RSRC1: variants seen among roughly 807,000 people sequenced by gnomAD.
RSRC1 encodes arginine and serine rich coiled-coil 1, also known as serine/Arginine-related protein 53.
In RSRC1, 39 loss-of-function variants were observed where a neutral mutation model predicts 49.1. The observed-to-expected ratio is 0.79, with a 90% CI of 0.61 to 1.04. The LOEUF is 1.04. RSRC1 is among the 50% of genes least tolerant of loss of function. The pLI is 0.00. For missense variants in RSRC1, 388 were observed against 402.4 expected (o/e 0.96, Z 0.31); for synonymous variants, 143 against 130.8 (o/e 1.09, Z -0.63).
chr3:158,444,812 A>G (rs1387863738), intron 6 of RSRC1, among the ~76,000 whole-genome samples: 2 of 152,180 alleles, frequency 1.3e-5, no homozygotes, highest in Non-Finnish European at 2.9e-5. Flanking sequence ...AATTTACAAG[A>G]AAAAAACAAC....
At position 158,111,816 on chromosome 3, in the gene RSRC1, A is replaced by G. The variant is rs1286433270; in HGVS notation, c.-3+1593A>G. Among the ~76,000 whole-genome samples the G allele has an allele frequency of 4.6e-5, 7 of 152,158 alleles. No individual in the cohort carries two copies. In the East Asian group the frequency reaches 1.3e-3, roughly 29 times the overall value. ...TCCTTTGGAAATCTTTGTTCTTCAAACTGATTGCCTGTTTTCTGAAAGAGA... is the reference window on the plus strand; with the variant it reads ...TCCTTTGGAAATCTTTGTTCTTCAAGCTGATTGCCTGTTTTCTGAAAGAGA... On this transcript the variant is annotated intron_variant, in intron 1 of 9. Transcript: ENST00000611884.
chr3:158,206,039 C>T (rs982934967), intron 4 of RSRC1, among the ~76,000 whole-genome samples: 7 of 152,026 alleles, frequency 4.6e-5, no homozygotes, highest in Non-Finnish European at 1.0e-4. Flanking sequence ...ACAGGAAGGC[C>T]GTATTTCAGT....
At chr3:158,275,507 A>G (rs1173058074) in intron 4 of RSRC1, among the ~76,000 whole-genome samples, 2 of 152,198 alleles carry the variant, frequency 1.3e-5, no homozygotes, top group African/African-American at 4.8e-5. Context: ...ACAAATCTAC[A>G]GAGCTAGTTT....
intron 4 of RSRC1, among the ~76,000 whole-genome samples, chr3:158,216,311 TA>T (rs534754529): frequency 3.3e-5 from 5 of 151,348 alleles, no homozygotes; most frequent in African/African-American, 4.8e-5. Flanking sequence ...TCTCTTTTTT[TA>T]AAAAAAATCT....
chr3:158,416,832 A>G (rs1439485359), intron 6 of RSRC1, among the ~76,000 whole-genome samples: 2 of 152,096 alleles, frequency 1.3e-5, no homozygotes, highest in African/African-American at 4.8e-5. Flanking sequence ...TATTGTTAGA[A>G]GTAATTCTCA....
chr3:158,506,073 G>A (rs1034116321), intron 7 of RSRC1, among the ~76,000 whole-genome samples: 4 of 152,128 alleles, frequency 2.6e-5, no homozygotes, highest in African/African-American at 9.7e-5. Flanking sequence ...CAAAAACACA[G>A]ACAACAGAAG....
chr3:158,385,584 T>C (rs1420087818), intron 6 of RSRC1, among the ~76,000 whole-genome samples: 1 of 152,176 alleles, frequency 6.6e-6, no homozygotes, highest in African/African-American at 2.4e-5. Flanking sequence ...CCCTGAGTAA[T>C]AAAGTCCTTT....
chr3:158,478,772 T>C (rs1322079375), intron 7 of RSRC1, among the ~76,000 whole-genome samples: 4 of 152,046 alleles, frequency 2.6e-5, no homozygotes, highest in African/African-American at 7.2e-5. Context: ...ATCAGAAGTC[T>C]GGTCAGTTTC....
At chr3:158,363,726 G>T (rs1731609008) in intron 6 of RSRC1, among the ~76,000 whole-genome samples, 1 of 152,188 alleles carries the variant, frequency 6.6e-6, no homozygotes, top group South Asian at 2.1e-4. Flanking sequence ...TGATTCTGAA[G>T]TAAGTTTTCT....
chr3:158,503,852 T>A (rs1472636152), intron 7 of RSRC1, among the ~76,000 whole-genome samples: 1 of 152,182 alleles, frequency 6.6e-6, no homozygotes, highest in African/African-American at 2.4e-5. Context: ...CTGTGGAGTC[T>A]GCACACGGGA....
At chr3:158,302,678 T>TTTTTTTTTTTTTGATTG (rs1727630418) in intron 5 of RSRC1, 1 of 147,414 alleles carries the variant, frequency 6.8e-6, no homozygotes, top group Non-Finnish European at 1.5e-5. Context: ...TTTTTTTTTT[T>TTTTTTTTTTTTTGATTG]GAGATGGGAG....
intron 5 of RSRC1, among the ~76,000 whole-genome samples, chr3:158,304,186 G>T (rs1310392325): frequency 6.6e-6 from 1 of 152,092 alleles, no homozygotes; most frequent in Non-Finnish European, 1.5e-5. Flanking sequence ...AGTTTGTTTA[G>T]CCCATCAGTG....
At chr3:158,427,224 A>G (rs1205755794) in intron 6 of RSRC1, among the ~76,000 whole-genome samples, 1 of 151,856 alleles carries the variant, frequency 6.6e-6, no homozygotes, top group Non-Finnish European at 1.5e-5. Flanking sequence ...AGACTGAAGT[A>G]TCACCACCTA....
At chr3:158,511,489 A>G (rs1348764922) in intron 7 of RSRC1, among the ~76,000 whole-genome samples, 1 of 152,152 alleles carries the variant, frequency 6.6e-6, no homozygotes, top group Non-Finnish European at 1.5e-5. Context: ...TCCATGGTGT[A>G]TATGTGCCAC....
At chr3:158,518,148 A>ACATTTTTTTTTT (rs1740696915) in intron 7 of RSRC1, among the ~76,000 whole-genome samples, 8 of 44,142 alleles carry the variant, frequency 1.8e-4, no homozygotes, top group African/African-American at 1.2e-3. Context: ...ATATATATAT[A>ACATTTTTTTTTT]TTTTTTTTTT....
intron 4 of RSRC1, among the ~76,000 whole-genome samples, chr3:158,296,273 A>G (rs889452834): frequency 6.6e-6 from 1 of 152,098 alleles, no homozygotes; most frequent in African/African-American, 2.4e-5. Flanking sequence ...AACAGAGTGT[A>G]TAATATGCTT....
chr3:158,507,507 T>G (rs1322858839), intron 7 of RSRC1, among the ~76,000 whole-genome samples: 1 of 152,160 alleles, frequency 6.6e-6, no homozygotes, highest in African/African-American at 2.4e-5. Flanking sequence ...TATGTACAAC[T>G]ATTATATATC....
At chr3:158,229,245 T>A in intron 4 of RSRC1, among the ~76,000 whole-genome samples, 1 of 151,082 alleles carries the variant, frequency 6.6e-6, no homozygotes, top group Non-Finnish European at 1.5e-5. Context: ...TATGTATGTA[T>A]ATAAACATAC....
In RSRC1 at chr3:158,173,674, G is replaced by A. The variant is rs567802807; in HGVS notation, c.321-29398G>A. Among the ~76,000 whole-genome samples the A allele has an allele frequency of 6.3e-4, 96 of 152,010 alleles. No homozygotes were observed. The Middle Eastern group carries it at 0.02, about 32-fold the overall frequency. ...GACTTGCACATGAATGTTCTCAGCA[G>A]CATTATTTATAATAGCCTAAAGGTG... On this transcript the variant is annotated intron_variant, in intron 3 of 9. Transcript: ENST00000611884.
Sources: gnomAD v4.1 joint callset for allele counts (sites outside exome capture counted in the v4.1 genomes callset) on GRCh38, gnomAD v4.1.1 for gene constraint, MANE v1.5 for transcripts, NCBI Gene and HGNC (gene_info 2026-07-23, HGNC 2026-07-21) for gene names.